The following GDI2 variants were observed in gnomAD, a reference collection of about 807,000 sequenced individuals.
GDI2 encodes the protein rab GDP dissociation inhibitor beta.
Under a neutral mutation model 54.2 loss-of-function variants are expected in GDI2, and 22 were observed. The observed-to-expected ratio is 0.41, with a 90% CI of 0.29 to 0.58. The LOEUF (loss-of-function observed/expected upper bound fraction) is 0.58. Among genes scored for constraint, GDI2 ranks in the 20% least tolerant of loss-of-function variants. The pLI is 0.35. For synonymous variants in GDI2, 177 were observed against 182.1 expected (o/e 0.97, Z 0.23); for missense variants, 422 against 546.0 (o/e 0.77, Z 2.26).
intron 7 of GDI2, among the ~76,000 whole-genome samples, chr10:5,773,610 T>C (rs918051298): frequency 6.6e-6 from 1 of 152,230 alleles, no homozygotes; most frequent in Non-Finnish European, 1.5e-5. Flanking sequence ...ATACTTACTA[T>C]TTAGAGCTCA....
intron 8 of GDI2, among the ~76,000 whole-genome samples, chr10:5,767,425 C>G (rs943253280): frequency 2.6e-5 from 4 of 152,084 alleles, no homozygotes; most frequent in Non-Finnish European, 4.4e-5. Flanking sequence ...GATCCTCTCC[C>G]ACCGCAGCCT....
rs1040561889 is a variant in GDI2, at chr10:5,813,422, G to C, written c.-164C>G. 3.0e-6 allele frequency: 1 copy of C among 331,244 alleles called. No homozygotes were observed. The allele number at this position is 331,244 out of a possible 1,614,324, so 20.5% of individuals were successfully genotyped here. A position where few individuals can be genotyped will look rare whatever the true frequency, so the allele number is the denominator to read the frequency against. ...CGAGACCGACCGCCACCTCAGACGG[G>C]AAGAGAAGAACTGGGCGGGGAGAGG... On this transcript the variant is annotated 5_prime_UTR_variant, in exon 1 of 11. Transcript: ENST00000380191.
At chr10:5,813,047 G>A (rs1841510598) in intron 1 of GDI2, among the ~76,000 whole-genome samples, 167 bp downstream of exon 1, 2 of 152,048 alleles carry the variant, frequency 1.3e-5, no homozygotes, top group Admixed American at 6.5e-5. Flanking sequence ...CCCGGGACGC[G>A]GGGCGCCCCT....
chr10:5,781,569 G>A (rs1378216401), intron 6 of GDI2, among the ~76,000 whole-genome samples: 1 of 146,316 alleles, frequency 6.8e-6, no homozygotes, highest in Non-Finnish European at 1.5e-5. Flanking sequence ...AGCTTGCAGT[G>A]AGCCGAGACA....
chr10:5,780,616 G>T (rs1588972697), intron 6 of GDI2, among the ~76,000 whole-genome samples: 1 of 152,326 alleles, frequency 6.6e-6, no homozygotes, highest in Non-Finnish European at 1.5e-5. Flanking sequence ...CTGTATACCA[G>T]CAGCAAACAA....
intron 1 of GDI2, chr10:5,811,924 G>T: frequency 1.7e-6 from 2 of 1,146,610 alleles, no homozygotes; most frequent in Non-Finnish European, 2.3e-6. Context: ...CTCTTGCCTA[G>T]AGACATCTAA....
chr10:5,795,519 C>G (rs1404068518), intron 3 of GDI2, among the ~76,000 whole-genome samples: 1 of 152,076 alleles, frequency 6.6e-6, no homozygotes, highest in Non-Finnish European at 1.5e-5. Flanking sequence ...TCTTTTTTTC[C>G]TATTCAAGGT....
At chr10:5,769,472 G>C (rs745463753) in intron 7 of GDI2, 1 of 152,050 alleles carries the variant, frequency 6.6e-6, no homozygotes, top group Non-Finnish European at 1.5e-5. Flanking sequence ...TCGGGAGGCT[G>C]AGGCAGGAGA....
intron 2 of GDI2, among the ~76,000 whole-genome samples, chr10:5,799,420 G>A (rs961517695): frequency 5.3e-5 from 8 of 152,220 alleles, no homozygotes; most frequent in African/African-American, 1.4e-4. Flanking sequence ...GGGAGGCCAA[G>A]GCAGACAGAT....
At chr10:5,791,037 A>C (rs963598894) in intron 4 of GDI2, among the ~76,000 whole-genome samples, 3 of 152,150 alleles carry the variant, frequency 2.0e-5, no homozygotes, top group African/African-American at 7.2e-5. Flanking sequence ...GCATGGTGGG[A>C]TATGCCTCTT....
At chr10:5,808,718 A>C (rs1353212711) in intron 1 of GDI2, among the ~76,000 whole-genome samples, 2 of 55,248 alleles carry the variant, frequency 3.6e-5, no homozygotes, top group African/African-American at 9.1e-5. Context: ...AAAAAAAAAA[A>C]CTACAAATAC....
rs574935679 is a variant in GDI2 at position 5,796,836 on chromosome 10, T to A, written c.180A>T (p.Gly60=). The part of the protein sequence containing the change: ...EDLYKRFKIP[G]SPPESMGRGR... ...CTCTCCCCATTGACTCGGGTGGTGA[T>A]CCTGGTATTTTAAATCTTTTGTATA... is the stretch of plus-strand genomic sequence containing the variant. The change falls in exon 3 of 11, where the codon GGA becomes GGT. Residue 60 remains glycine, a synonymous_variant. Transcript: ENST00000380191. The A allele has an allele frequency of 6.3e-7, 1 of 1,579,016 alleles. No homozygotes were observed. Among genetic ancestry groups the A allele is most frequent in the East Asian group, 2.2e-5 (1 of 44,642 alleles).
At chr10:5,785,413 C>A in intron 5 of GDI2, 140 bp from the exon 6 acceptor site, 1 of 637,202 alleles carries the variant, frequency 1.6e-6, no homozygotes, top group Admixed American at 2.7e-5. Context: ...CTCACTCTGT[C>A]GCCCAGACTG....
intron 1 of GDI2, among the ~76,000 whole-genome samples, chr10:5,802,269 T>C (rs185408333): frequency 6.6e-6 from 1 of 152,242 alleles, no homozygotes. Flanking sequence ...AACTGACACG[T>C]GCTGCCAATA....
chr10:5,807,084 G>A (rs1030691392), intron 1 of GDI2, among the ~76,000 whole-genome samples: 1 of 152,134 alleles, frequency 6.6e-6, no homozygotes, highest in African/African-American at 2.4e-5. Flanking sequence ...AAAATCTGCA[G>A]GCCCACTAGT....
chr10:5,799,371 C>T (rs776089057), intron 2 of GDI2, among the ~76,000 whole-genome samples: 3 of 152,046 alleles, frequency 2.0e-5, no homozygotes, highest in Non-Finnish European at 4.4e-5. Flanking sequence ...GAATAAAGCG[C>T]TCGGGCGTGG....
intron 6 of GDI2, among the ~76,000 whole-genome samples, chr10:5,778,747 T>G: frequency 6.6e-6 from 1 of 152,164 alleles, no homozygotes; most frequent in Non-Finnish European, 1.5e-5. Context: ...CAGTATTTGA[T>G]TGTAAGAAAT....
intron 6 of GDI2, among the ~76,000 whole-genome samples, chr10:5,778,491 G>T (rs1840676119): frequency 6.6e-6 from 1 of 152,210 alleles, no homozygotes; most frequent in African/African-American, 2.4e-5. Flanking sequence ...CTATACGTGT[G>T]TGCCACACTT....
At chr10:5,782,321 A>G (rs1840776882) in intron 6 of GDI2, among the ~76,000 whole-genome samples, 1 of 152,198 alleles carries the variant, frequency 6.6e-6, no homozygotes, top group South Asian at 2.1e-4. Flanking sequence ...TTACAATACT[A>G]AATGTTGACA....
Sources: gnomAD v4.1 joint callset for allele counts (sites outside exome capture counted in the v4.1 genomes callset) on GRCh38, gnomAD v4.1.1 for gene constraint, MANE v1.5 for transcripts, NCBI Gene and HGNC (gene_info 2026-07-23, HGNC 2026-07-21) for gene names.